Variants in RASGRP3 observed in about 807,000 individuals in gnomAD.
RASGRP3 encodes the protein RAS guanyl releasing protein 3.
RASGRP3 carries 54 observed loss-of-function variants against 82.7 expected under a neutral mutation model. The observed-to-expected ratio is 0.65, with a 90% CI of 0.52 to 0.82. The LOEUF is 0.82. Among genes scored for constraint, RASGRP3 ranks in the 40% least tolerant of loss-of-function variants. The probability of loss-of-function intolerance (pLI) is 0.00; values close to 1 mark genes in which losing one functional copy is unlikely to be tolerated. For synonymous variants in RASGRP3, 309 were observed against 300.5 expected (o/e 1.03, Z -0.29); for missense variants, 861 against 828.9 (o/e 1.04, Z -0.48).
At chr2:33,504,660 AGTGATG>A (rs370691663) in intron 1 of RASGRP3, among the ~76,000 whole-genome samples, 11 of 152,226 alleles carry the variant, frequency 7.2e-5, no homozygotes, top group African/African-American at 2.6e-4. Flanking sequence ...CCCAGCCTAG[AGTGATG>A]GTAGTTTAGG....
chr2:33,458,884 G>A (rs941226830), intron 2 of RASGRP3, among the ~76,000 whole-genome samples: 14 of 152,116 alleles, frequency 9.2e-5, no homozygotes, highest in African/African-American at 3.1e-4. Context: ...CTTTAGAGTT[G>A]ATCGAAATTG....
chr2:33,514,997 T>C lies in RASGRP3; in HGVS notation c.-127-13T>C. The stretch of plus-strand genomic sequence containing the variant: ...TAGTCTAATAACTTTCTCTCTTTTT[T>C]CTTTTTTTTTAGAGTTTTCTTGAAG... On this transcript the variant is annotated splice_polypyrimidine_tract_variant and intron_variant, in intron 2 of 17. Coordinates refer to ENST00000403687, the MANE Select transcript of RASGRP3 (RefSeq NM_001139488.2). 1.3e-6 allele frequency: 1 copy of C among 742,860 alleles called. No individual in the cohort carries two copies. Among genetic ancestry groups the C allele is most frequent in the Non-Finnish European group, 2.3e-6 (1 of 435,942 alleles). The allele number at this position is 742,860 out of a possible 1,614,324, so 46.0% of individuals were successfully genotyped here. A position where few individuals can be genotyped will look rare whatever the true frequency, so the allele number is the denominator to read the frequency against.
At position 33,564,281 on chromosome 2, in the gene RASGRP3, C is replaced by T. The variant is rs576531174; in HGVS notation, c.*1544C>T. ...AAATACGGTTCCAAATACGCTAAAA[C>T]CAACTTGTGCCAACCAGATTTACAG... On this transcript the variant is annotated 3_prime_UTR_variant, in exon 18 of 18. Coordinates refer to ENST00000403687, the MANE Select transcript of RASGRP3 (RefSeq NM_001139488.2). 1 of 152,252 alleles carries T rather than the reference C, an allele frequency of 6.6e-6. No homozygotes were observed. Among genetic ancestry groups the T allele is most frequent in the South Asian group, 2.1e-4 (1 of 4,820 alleles). 9.4% of individuals were successfully genotyped at this position (152,252 alleles called of 1,614,324 possible). A position where few individuals can be genotyped will look rare whatever the true frequency, so the allele number is the denominator to read the frequency against.
chr2:33,507,682 C>T (rs1437815432), intron 1 of RASGRP3, among the ~76,000 whole-genome samples: 5 of 152,090 alleles, frequency 3.3e-5, no homozygotes, highest in African/African-American at 9.7e-5. Flanking sequence ...TGTGCCACCA[C>T]GCCTGGCTAC....
chr2:33,537,324 C>CA (rs879354715), intron 11 of RASGRP3, among the ~76,000 whole-genome samples: 44 of 28,486 alleles, frequency 1.5e-3, no homozygotes, highest in African/African-American at 6.4e-3. Context: ...ACACACACCG[C>CA]CCCCCCCACA....
intron 2 of RASGRP3, among the ~76,000 whole-genome samples, chr2:33,453,973 C>A (rs889154558): frequency 6.6e-6 from 1 of 152,052 alleles, no homozygotes; most frequent in African/African-American, 2.4e-5. Context: ...AAGGTGTCAG[C>A]AGGTTTGGTT....
chr2:33,559,239 TAA>T (rs564918552), intron 17 of RASGRP3, among the ~76,000 whole-genome samples: 1 of 152,094 alleles, frequency 6.6e-6, no homozygotes, highest in African/African-American at 2.4e-5. Flanking sequence ...TATCATGATT[TAA>T]AAAAATTGAA....
intron 13 of RASGRP3, among the ~76,000 whole-genome samples, chr2:33,544,872 A>G (rs1332769415): frequency 2.0e-5 from 3 of 152,198 alleles, no homozygotes; most frequent in African/African-American, 7.2e-5. Context: ...AAAATCTGTA[A>G]TTCAACACAC....
intron 1 of RASGRP3, among the ~76,000 whole-genome samples, chr2:33,485,871 T>G (rs1668326172): frequency 1.3e-5 from 2 of 152,258 alleles, no homozygotes; most frequent in African/African-American, 4.8e-5. Context: ...TTTGTCTTTT[T>G]CAGCTACAAA....
At position 33,563,006 on chromosome 2, in the gene RASGRP3, T is replaced by TATC; in HGVS notation, c.*270_*272dup. The TATC allele has an allele frequency of 2.1e-6, 1 of 484,056 alleles. No homozygotes were observed. The highest frequency in any genetic ancestry group is 3.6e-6 in the Non-Finnish European group (1 of 274,616). The allele number at this position is 484,056 out of a possible 1,614,324, so 30.0% of individuals were successfully genotyped here. On this transcript the variant is annotated 3_prime_UTR_variant, in exon 18 of 18. Transcript: ENST00000403687. ...ATGTAGTCAGTACTTTTTTCTCATG[T>TATC]ATCTTTCTCTAGACCATTTATATAC...
chr2:33,450,115 T>C lies in RASGRP3; in HGVS notation c.-261+2172T>C, dbSNP rs553346685. ...CCAGCCCCCAAGCTTTATTAAGATATTGACAAACTAAAATTGTATATATTT... is the reference window on the plus strand; with the variant it reads ...CCAGCCCCCAAGCTTTATTAAGATACTGACAAACTAAAATTGTATATATTT... On this transcript the variant is annotated intron_variant, in intron 2 of 18. Coordinates refer to the RASGRP3 transcript ENST00000402538. Among the ~76,000 whole-genome samples, 21 of 152,296 alleles carry C rather than the reference T, an allele frequency of 1.4e-4. 1 individual carries two copies. The South Asian group carries it at 3.9e-3, about 29-fold the overall frequency.
chr2:33,511,080 A>C (rs1670883465), intron 1 of RASGRP3, among the ~76,000 whole-genome samples: 2 of 152,236 alleles, frequency 1.3e-5, no homozygotes, highest in African/African-American at 4.8e-5. Context: ...CCCTTTAAAA[A>C]TAACACTTTT....
At chr2:33,520,224 C>G (rs139310832) in intron 5 of RASGRP3, among the ~76,000 whole-genome samples, 1 of 152,168 alleles carries the variant, frequency 6.6e-6, no homozygotes, top group African/African-American at 2.4e-5. Flanking sequence ...AATGTGATTA[C>G]GGAATGAAAC....
chr2:33,524,617 C>A, intron 9 of RASGRP3, 69 bp downstream of exon 9: 3 of 1,174,704 alleles, frequency 2.6e-6, no homozygotes, highest in Non-Finnish European at 2.4e-6. Context: ...TTAGTATACG[C>A]CTAACAAATG....
In RASGRP3 at chr2:33,442,365, A is replaced by G. The variant is rs1274001818; in HGVS notation, c.-384-5455A>G. ...GGTGACAGAGCGAGACTACGTCTCG[A>G]AAAAAAATTTCTGGTTGGTGGGATA... On this transcript the variant is annotated intron_variant, in intron 1 of 18. Transcript: ENST00000402538. Among the ~76,000 whole-genome samples the G allele has an allele frequency of 6.6e-5, 10 of 152,156 alleles. 1 individual carries two copies. The highest frequency in any genetic ancestry group is 5.9e-5 in the Non-Finnish European group (4 of 68,028).
At chr2:33,498,432 T>G (rs1370817308) in intron 1 of RASGRP3, among the ~76,000 whole-genome samples, 1 of 152,128 alleles carries the variant, frequency 6.6e-6, no homozygotes, top group Non-Finnish European at 1.5e-5. Flanking sequence ...AGAAAAGAAC[T>G]CAGTAAAGAA....
rs1419529202 is a variant in RASGRP3 at position 33,503,135 on chromosome 2, T to G, written c.-260-8575T>G. Among the ~76,000 whole-genome samples, 5 of 152,344 alleles carry G rather than the reference T, an allele frequency of 3.3e-5. No homozygotes were observed. The East Asian group carries it at 9.6e-4, about 29-fold the overall frequency. ...TCTAAATTTCAACCACTTTACAAAT[T>G]TAGTTGGGAACATTTCACAATTTTA... On this transcript the variant is annotated intron_variant, in intron 1 of 17. Transcript: ENST00000403687.
chr2:33,478,416 G>T (rs534508668), intron 1 of RASGRP3, among the ~76,000 whole-genome samples: 1 of 152,252 alleles, frequency 6.6e-6, no homozygotes, highest in African/African-American at 2.4e-5. Flanking sequence ...TCTTTAGGGA[G>T]TTTGTTCCTG....
At chr2:33,545,820 T>C (rs1180454526) in intron 13 of RASGRP3, among the ~76,000 whole-genome samples, 1 of 152,054 alleles carries the variant, frequency 6.6e-6, no homozygotes, top group East Asian at 1.9e-4. Flanking sequence ...ATTACTTTTC[T>C]TTGAGACAGA....
Sources: gnomAD v4.1 joint callset for allele counts (sites outside exome capture counted in the v4.1 genomes callset) on GRCh38, gnomAD v4.1.1 for gene constraint, MANE v1.5 for transcripts, NCBI Gene and HGNC (gene_info 2026-07-23, HGNC 2026-07-21) for gene names.